The following BACE1 variants were observed in gnomAD, a reference collection of about 807,000 sequenced individuals.
BACE1 encodes beta-secretase 1, also known as APP beta-secretase.
In BACE1, 21 loss-of-function variants were observed where a neutral mutation model predicts 54.0. That is an observed-to-expected ratio of 0.39 (90% CI 0.28 to 0.56). The LOEUF (loss-of-function observed/expected upper bound fraction) is 0.56, where lower values mean the gene tolerates loss of function less well. BACE1 is among the 20% of genes least tolerant of loss of function. The pLI, the probability that BACE1 is intolerant of heterozygous loss-of-function variation, is 0.63. For synonymous variants in BACE1, 232 were observed against 260.9 expected, an observed-to-expected ratio of 0.89 and a Z score of 1.07; for missense variants, 511 against 661.2, an observed-to-expected ratio of 0.77 and a Z score of 2.49.
At chr11:117,305,648 CTAA>C (rs2034814796) in intron 1 of BACE1, among the ~76,000 whole-genome samples, 1 of 151,964 alleles carries the variant, frequency 6.6e-6, no homozygotes. Context: ...CCCGGCTCAA[CTAA>C]TATTTGCCAG....
Position 117,293,031 on chromosome 11 carries a change from AG to A in BACE1, c.840+22del. 1 of 1,612,334 alleles carries A rather than the reference AG, an allele frequency of 6.2e-7. No homozygotes were observed. The highest frequency in any genetic ancestry group is 2.2e-5 in the East Asian group (1 of 44,836). ...GTACTGCCTACCCCCTTATGTTCCC[AG>A]GCTCTCCCTTGGTTTTCTTACCTCC... is the stretch of plus-strand genomic sequence containing the variant. On this transcript the variant is annotated intron_variant, in intron 5 of 8. Transcript: ENST00000313005. This position sits in a 1 kb window ranked among gnomAD's most constrained non-coding sequence, Gnocchi z 4.1.
intron 5 of BACE1, chr11:117,292,819 A>G: frequency 6.7e-6 from 3 of 447,960 alleles, no homozygotes; most frequent in Non-Finnish European, 1.2e-5. Context: ...CAGTGACTAG[A>G]GTCCAGACAT....
chr11:117,300,242 C>T (rs1472458841), intron 1 of BACE1, among the ~76,000 whole-genome samples: 1 of 152,226 alleles, frequency 6.6e-6, no homozygotes, highest in Non-Finnish European at 1.5e-5. Context: ...CAGGTCCCCA[C>T]TGCTCTCTGC....
chr11:117,297,566 A>T (rs2034631559), intron 1 of BACE1, among the ~76,000 whole-genome samples: 1 of 151,976 alleles, frequency 6.6e-6, no homozygotes, highest in Non-Finnish European at 1.5e-5. Flanking sequence ...GTTGCAGTGA[A>T]CTGAGACCAT....
At position 117,293,416 on chromosome 11, in the gene BACE1, A is replaced by T; in HGVS notation, c.706-228T>A. On this transcript the variant is annotated intron_variant, in intron 4 of 8. Coordinates refer to ENST00000313005, the MANE Select transcript of BACE1 (RefSeq NM_012104.6). This position sits in a 1 kb window ranked among gnomAD's most constrained non-coding sequence, Gnocchi z 4.1. ...ATTTTTAATTATTTGTTTCAGAATC[A>T]TACAGCCCTTGATATAAAGTTATTT... 1 of 425,016 alleles carries T rather than the reference A, an allele frequency of 2.4e-6. No homozygotes were observed. Among genetic ancestry groups the T allele is most frequent in the Non-Finnish European group, 4.1e-6 (1 of 243,950 alleles). 26.3% of individuals were successfully genotyped at this position (425,016 alleles called of 1,614,324 possible). A position where few individuals can be genotyped will look rare whatever the true frequency, so the allele number is the denominator to read the frequency against.
rs577759133 is a variant in BACE1, at chr11:117,291,223, A to G, written c.943-174T>C. ...GAAGAGAGAGGGAGTGTGATGTCAA[A>G]CTTTTGTACCGGGGGATTGTGTGAT... On this transcript the variant is annotated intron_variant, in intron 6 of 8. Transcript: ENST00000313005. Among the ~76,000 whole-genome samples the G allele has an allele frequency of 3.3e-5, 5 of 152,118 alleles. 1 individual carries two copies. In the South Asian group the frequency reaches 1.0e-3, roughly 32 times the overall value.
At chr11:117,295,761 C>G in intron 2 of BACE1, 1 of 1,376,742 alleles carries the variant, frequency 7.3e-7, no homozygotes, top group East Asian at 2.6e-5. Context: ...TGGTACCATC[C>G]GAGTGGTAGA....
rs1189953743 is a variant in BACE1, at chr11:117,296,853, G to A, written c.350+20C>T. 12 of 1,593,894 alleles carry A rather than the reference G, an allele frequency of 7.5e-6. No homozygotes were observed. Among genetic ancestry groups the A allele is most frequent in the African/African-American group, 2.7e-5 (2 of 74,360 alleles). The stretch of plus-strand genomic sequence containing the variant: ...GATCCTTGGAAAAGGTACTTCCCCC[G>A]GGCTCTCCCCAGGACTCACAGCTGC... On this transcript the variant is annotated intron_variant, in intron 2 of 8. Transcript: ENST00000313005.
At chr11:117,292,153 C>G (rs1295473404) in intron 5 of BACE1, 3 of 153,996 alleles carry the variant, frequency 1.9e-5, no homozygotes, top group African/African-American at 7.5e-5. Flanking sequence ...ATAAAAATAC[C>G]TTGTTTAGTG....
chr11:117,294,436 G>A (rs1427675826), intron 3 of BACE1: 36 of 155,206 alleles, frequency 2.3e-4, no homozygotes, highest in Non-Finnish European at 7.1e-5. Flanking sequence ...ATGTTGGTCA[G>A]GCTGGTCTTG....
At chr11:117,291,567 C>G (rs1448700349) in intron 6 of BACE1, 145 bp downstream of exon 6, 3 of 586,718 alleles carry the variant, frequency 5.1e-6, no homozygotes, top group Non-Finnish European at 9.0e-6. Flanking sequence ...TGAGCCACCA[C>G]GCCTGGCTAG....
rs2034254764 is a variant in BACE1 at position 117,286,170 on chromosome 11, A to G, written c.*3396T>C. ...CTGGATTTTAATTTTTGAAGCAAGAAAGTTAGGGGGGGACATATTTCCTGT... is the reference window on the plus strand; with the variant it reads ...CTGGATTTTAATTTTTGAAGCAAGAGAGTTAGGGGGGGACATATTTCCTGT... On this transcript the variant is annotated 3_prime_UTR_variant, in exon 9 of 9. Coordinates refer to ENST00000313005, the MANE Select transcript of BACE1 (RefSeq NM_012104.6). 1 of 152,622 alleles carries G rather than the reference A, an allele frequency of 6.6e-6. No individual in the cohort carries two copies. The highest frequency in any genetic ancestry group is 2.4e-5 in the African/African-American group (1 of 41,456). 9.5% of individuals were successfully genotyped at this position (152,622 alleles called of 1,614,324 possible).
chr11:117,315,695 A>AG lies in BACE1; in HGVS notation c.100dup (p.Leu34ProfsTer65). ...CCGCAGCCCCAGGGGGGCGCCCCCC[A>AG]GGCCGCTGCGCAGGGGCAGCCGGAT... On this transcript the variant is annotated frameshift_variant, in exon 1 of 9. Transcript: ENST00000313005. LOFTEE classifies it high-confidence loss of function. The surrounding 1 kb of genome is among the most constrained non-coding windows in gnomAD (Gnocchi z 5.5). 1 of 1,512,464 alleles carries AG rather than the reference A, an allele frequency of 6.6e-7. No individual in the cohort carries two copies. The highest frequency in any genetic ancestry group is 8.8e-7 in the Non-Finnish European group (1 of 1,132,528). 93.7% of individuals were successfully genotyped at this position (1,512,464 alleles called of 1,614,324 possible).
chr11:117,295,376 T>A (rs1229291538), intron 2 of BACE1, 29 bp from the exon 3 acceptor site: 1 of 1,608,146 alleles, frequency 6.2e-7, no homozygotes, highest in Non-Finnish European at 8.5e-7. Context: ...GATCTGTGGA[T>A]GCATAACCAC....
intron 3 of BACE1, among the ~76,000 whole-genome samples, chr11:117,294,741 C>T (rs748365970): frequency 1.2e-4 from 18 of 151,568 alleles, no homozygotes; most frequent in African/African-American, 4.1e-4. Context: ...AAAAATTAGC[C>T]GGGCGTCATG....
At chr11:117,306,184 C>G (rs946447831) in intron 1 of BACE1, among the ~76,000 whole-genome samples, 1 of 152,328 alleles carries the variant, frequency 6.6e-6, no homozygotes, top group Non-Finnish European at 1.5e-5. Context: ...GCTTCCCTCC[C>G]CTGCCTGTGC....
rs759096555 is a variant in BACE1, at chr11:117,286,759, C to G, written c.*2807G>C. ...AAGGAGCTGGACTTCCTGGGACCTC[C>G]TTGGCATCTTGTAGGGTGATTGGAG... On this transcript the variant is annotated 3_prime_UTR_variant, in exon 9 of 9. Transcript: ENST00000313005. The G allele has an allele frequency of 1.3e-5, 2 of 152,632 alleles. No homozygotes were observed. Among genetic ancestry groups the G allele is most frequent in the Non-Finnish European group, 2.9e-5 (2 of 68,054 alleles). The allele number at this position is 152,632 out of a possible 1,614,324, so 9.5% of individuals were successfully genotyped here. A position where few individuals can be genotyped will look rare whatever the true frequency, so the allele number is the denominator to read the frequency against.
chr11:117,289,784 C>T lies in BACE1; in HGVS notation c.1288G>A (p.Ala430Thr), dbSNP rs777457700. Residue 430 changes from alanine (A) to threonine (T), a missense_variant, in exon 9 of 9, where the codon GCG becomes ACG. By Grantham distance (58) the Ala-to-Thr change is moderately conservative. Around this residue, in one of 2 missense-constraint regions of BACE1, gnomAD observed 407 missense variants for 565.7 expected, o/e 0.72. Coordinates refer to ENST00000313005, the MANE Select transcript of BACE1 (RefSeq NM_012104.6). ...AAGGTGACAAAAGGGCCTTCCACCG[C>T]TGCCGTCCTGAACTCATCGTGCACT... is the stretch of plus-strand genomic sequence containing the variant. ...CHVHDEFRTAAVEGPFVTLDM... is the reference protein window; with the variant it reads ...CHVHDEFRTATVEGPFVTLDM... 3 of 1,614,236 alleles carry T rather than the reference C, an allele frequency of 1.9e-6. No homozygotes were observed. The highest frequency in any genetic ancestry group is 2.2e-5 in the South Asian group (2 of 91,090).
intron 1 of BACE1, among the ~76,000 whole-genome samples, chr11:117,312,786 C>G (rs2034979058): frequency 6.6e-6 from 1 of 152,164 alleles, no homozygotes. Flanking sequence ...AAATTTGAGG[C>G]ACAAACTACG....
Sources: allele counts gnomAD v4.1 joint callset (sites outside exome capture counted in the v4.1 genomes callset), GRCh38; gene constraint gnomAD v4.1.1; regional missense constraint gnomAD v4.1.1; non-coding constraint Gnocchi (gnomAD v3.1); transcripts MANE v1.5; gene names NCBI Gene and HGNC (gene_info 2026-07-23, HGNC 2026-07-21).